Variants in TRPM5 observed in about 807,000 individuals in gnomAD.
TRPM5 encodes MLSN1 and TRP-related.
A neutral mutation model predicts 124.9 loss-of-function variants in TRPM5; 121 were observed. That is an observed-to-expected ratio of 0.97 (90% CI 0.84 to 1.13). The LOEUF (loss-of-function observed/expected upper bound fraction) is 1.13. Among genes scored for constraint, TRPM5 ranks in the 50% most tolerant of loss-of-function variants. The pLI is 0.00. For missense variants in TRPM5, 1,643 were observed against 1,589.1 expected (o/e 1.03, Z -0.58); for synonymous variants, 781 against 700.5 (o/e 1.11, Z -1.81).
the TRPM5 span, among the ~76,000 whole-genome samples, chr11:2,441,247 G>C: frequency 1.3e-5 from 2 of 152,174 alleles, no homozygotes; most frequent in Non-Finnish European, 2.9e-5. This position sits in a 1 kb window ranked among gnomAD's most constrained non-coding sequence, Gnocchi z 7.2. Flanking sequence ...GTCCTGGAGA[G>C]AGCAGGTGGC....
the TRPM5 span, among the ~76,000 whole-genome samples, chr11:2,443,813 G>A: frequency 1.3e-5 from 2 of 151,516 alleles, no homozygotes; most frequent in Non-Finnish European, 1.5e-5. This position sits in a 1 kb window ranked among gnomAD's most constrained non-coding sequence, Gnocchi z 5.0. Flanking sequence ...TCTTCTGTTG[G>A]CTGCCCCCCA....
the TRPM5 span, among the ~76,000 whole-genome samples, chr11:2,429,590 A>G: frequency 6.6e-6 from 1 of 150,574 alleles, no homozygotes; most frequent in Non-Finnish European, 1.5e-5. The surrounding 1 kb of genome is among the most constrained non-coding windows in gnomAD (Gnocchi z 8.4). Flanking sequence ...GGTGTTTTTG[A>G]TAACGTGATA....
At chr11:2,424,577 C>G (rs1201339137), upstream of TRPM5, among the ~76,000 whole-genome samples, 2 of 152,208 alleles carry the variant, frequency 1.3e-5, no homozygotes, top group African/African-American at 4.8e-5. Context: ...GACAGACGCG[C>G]AGGGAAAAAC....
At chr11:2,406,857 C>T (rs1314447861) in intron 20 of TRPM5, 64 bp from the exon 26 acceptor site, 3 of 1,558,454 alleles carry the variant, frequency 1.9e-6, no homozygotes, top group Non-Finnish European at 2.6e-6. Flanking sequence ...AGAGCCCAGG[C>T]CTGGTCCCGG....
At chr11:2,435,212 A>G in the TRPM5 span, among the ~76,000 whole-genome samples, 1 of 152,174 alleles carries the variant, frequency 6.6e-6, no homozygotes, top group Non-Finnish European at 1.5e-5. The surrounding 1 kb of genome is among the most constrained non-coding windows in gnomAD (Gnocchi z 4.1). Context: ...GATGATTAAG[A>G]TGGCTATGGA....
intron 11 of TRPM5, 61 bp from the exon 17 acceptor site, chr11:2,414,267 C>G: frequency 3.2e-6 from 5 of 1,547,320 alleles, no homozygotes; most frequent in South Asian, 1.2e-5. Context: ...GCCCCCGACG[C>G]CCCTCCTCCA....
At chr11:2,435,434 C>T in the TRPM5 span, among the ~76,000 whole-genome samples, 5 of 152,054 alleles carry the variant, frequency 3.3e-5, no homozygotes, top group Non-Finnish European at 7.4e-5. This position sits in a 1 kb window ranked among gnomAD's most constrained non-coding sequence, Gnocchi z 4.1. Context: ...ACCCACCCAG[C>T]CATCCAGCCT....
chr11:2,427,015 C>T (rs1185102441), upstream of TRPM5, among the ~76,000 whole-genome samples: 1 of 152,176 alleles, frequency 6.6e-6, no homozygotes, highest in South Asian at 2.1e-4. Context: ...CAGACACTGC[C>T]CCTGAAGTCT....
upstream of TRPM5, among the ~76,000 whole-genome samples, chr11:2,427,876 A>G (rs954636784): frequency 3.3e-5 from 5 of 151,738 alleles, no homozygotes; most frequent in Middle Eastern, 3.4e-3. Flanking sequence ...GAGGACAGGG[A>G]GGCAGAGGGA....
the TRPM5 span, among the ~76,000 whole-genome samples, chr11:2,428,550 G>A: frequency 3.3e-5 from 5 of 151,936 alleles, no homozygotes; most frequent in Non-Finnish European, 5.9e-5. The surrounding 1 kb of genome is among the most constrained non-coding windows in gnomAD (Gnocchi z 4.0). Context: ...TGCTGATGGC[G>A]GTGTTTGTGA....
At chr11:2,406,247 C>T (rs1421176676) in intron 21 of TRPM5, 156 bp from the exon 27 acceptor site, 4 of 766,992 alleles carry the variant, frequency 5.2e-6, no homozygotes, top group Non-Finnish European at 8.7e-6. Flanking sequence ...GGCACCAGGA[C>T]CCCTCAAAGT....
At chr11:2,408,872 T>C (rs542838454) in intron 18 of TRPM5, among the ~76,000 whole-genome samples, 1 of 152,164 alleles carries the variant, frequency 6.6e-6, no homozygotes, top group African/African-American at 2.4e-5. Flanking sequence ...GGCGTGTGTC[T>C]GTGTGAGCCT....
chr11:2,442,376 TACACACACACACACACACACAC>T, the TRPM5 span, among the ~76,000 whole-genome samples: 34 of 141,254 alleles, frequency 2.4e-4, no homozygotes, highest in African/African-American at 7.0e-4. The surrounding 1 kb of genome is among the most constrained non-coding windows in gnomAD (Gnocchi z 5.9). Flanking sequence ...CATTCTTTGA[TACACACACACACACACACACAC>T]ACACACACAC....
the TRPM5 span, among the ~76,000 whole-genome samples, chr11:2,433,641 G>A: frequency 3.8e-3 from 579 of 152,372 alleles, no homozygotes; most frequent in African/African-American, 0.013. Context: ...TGAAGGGTGC[G>A]TAAGGCCTGA....
At chr11:2,422,836 C>T (rs890437588) in intron 1 of TRPM5, 84 bp downstream of exon 6, 1 of 1,194,546 alleles carries the variant, frequency 8.4e-7, no homozygotes, top group East Asian at 2.3e-5. Context: ...AGGACCCTGG[C>T]ACTCAGCTTC....
At chr11:2,430,730 G>A in the TRPM5 span, among the ~76,000 whole-genome samples, 23 of 134,242 alleles carry the variant, frequency 1.7e-4, no homozygotes, top group Middle Eastern at 3.9e-3. Flanking sequence ...TTTTGGTGGC[G>A]GTGATGGTGA....
exon 24 of TRPM5, chr11:2,404,938 C>A: frequency 6.2e-7 from 1 of 1,611,590 alleles, no homozygotes; most frequent in South Asian, 1.1e-5. Flanking sequence ...CCAAGCAGCT[C>A]AGGTGTCCGA....
chr11:2,418,354 A>T (rs2133528330), exon 6 of TRPM5: 2 of 1,549,304 alleles, frequency 1.3e-6, no homozygotes, highest in Non-Finnish European at 1.7e-6. Flanking sequence ...GGCCCTGGAG[A>T]TCCTCTGAGA....
exon 1 of TRPM5, chr11:2,422,977 C>T: frequency 6.2e-7 from 1 of 1,613,024 alleles, no homozygotes. Context: ...GCAAGCCCAG[C>T]TCCCGCCGGT....
Sources: gnomAD v4.1 joint callset for allele counts (sites outside exome capture counted in the v4.1 genomes callset) on GRCh38, gnomAD v4.1.1 for gene constraint, Gnocchi (gnomAD v3.1) non-coding constraint, MANE v1.5 for transcripts, NCBI Gene and HGNC (gene_info 2026-07-23, HGNC 2026-07-21) for gene names.